Variants in LARP4B observed in about 807,000 individuals in gnomAD.
LARP4B encodes la-related protein 4B.
Under a neutral mutation model 89.8 loss-of-function variants are expected in LARP4B, and 12 were observed. That is an observed-to-expected ratio of 0.13 (90% CI 0.09 to 0.22). The LOEUF is 0.22. Among genes scored for constraint, LARP4B ranks in the 10% least tolerant of loss-of-function variants. The probability of loss-of-function intolerance (pLI) is 1.00; values close to 1 mark genes in which losing one functional copy is unlikely to be tolerated. For missense variants in LARP4B, 757 were observed against 947.7 expected (o/e 0.80, Z 2.64); for synonymous variants, 367 against 363.3 (o/e 1.01, Z -0.12).
intron 13 of LARP4B, among the ~76,000 whole-genome samples, chr10:821,580 GAC>G (rs1353843417): frequency 6.6e-6 from 1 of 152,222 alleles, no homozygotes; most frequent in East Asian, 1.9e-4. Context: ...CAAGTCACAT[GAC>G]ACACATTCAT....
intron 1 of LARP4B, among the ~76,000 whole-genome samples, chr10:889,044 C>T (rs1306180082): frequency 2.6e-5 from 4 of 152,122 alleles, no homozygotes; most frequent in African/African-American, 4.8e-5. Flanking sequence ...GAGATCGCAC[C>T]ACTGCACTCC....
rs769323354 is a variant in LARP4B, at chr10:863,766, G to A, written c.407C>T (p.Ser136Phe). 1.9e-6 allele frequency: 3 copies of A among 1,610,944 alleles called. No homozygotes were observed. The highest frequency in any genetic ancestry group is 2.2e-5 in the East Asian group (1 of 44,838). The change falls in exon 5 of 18, where the codon TCT becomes TTT. Residue 136 changes from serine to phenylalanine, a missense_variant. Ser to Phe is a radical substitution (Grantham distance 155). Around this residue, in one of 5 missense-constraint regions of LARP4B, gnomAD observed 175 missense variants for 187.0 expected, o/e 0.94. Transcript: ENST00000316157. ...ALALGPSEYD[S>F]LPENSETGGN... ...ACCTGTCTCGCTATTTTCAGGCAGA[G>A]AGTCATATTCTGAGGGACCCAGAGC...
the LARP4B span, among the ~76,000 whole-genome samples, chr10:982,729 G>C: frequency 6.6e-6 from 1 of 152,198 alleles, no homozygotes; most frequent in Admixed American, 6.5e-5. Context: ...TGGCATGGCA[G>C]TCTGCCACAG....
chr10:813,494 G>A (rs988588916), intron 17 of LARP4B, among the ~76,000 whole-genome samples: 2 of 152,200 alleles, frequency 1.3e-5, no homozygotes, highest in Admixed American at 1.3e-4. Context: ...TGCCTGCTTG[G>A]GCAATGCGGA....
intron 1 of LARP4B, among the ~76,000 whole-genome samples, chr10:927,227 G>C (rs577225013): frequency 6.6e-6 from 1 of 152,204 alleles, no homozygotes; most frequent in East Asian, 1.9e-4. Flanking sequence ...GAAAAACTAT[G>C]AGAAGACAGA....
intron 5 of LARP4B, among the ~76,000 whole-genome samples, chr10:857,907 G>A (rs1422686435): frequency 6.6e-6 from 1 of 152,084 alleles, no homozygotes; most frequent in Non-Finnish European, 1.5e-5. Context: ...AAGGATTTTA[G>A]AAATCTCATC....
At chr10:924,209 C>G (rs896975588) in intron 1 of LARP4B, among the ~76,000 whole-genome samples, 4 of 152,104 alleles carry the variant, frequency 2.6e-5, no homozygotes, top group Non-Finnish European at 5.9e-5. Flanking sequence ...CCACTGGACT[C>G]CAGCCTGGGT....
chr10:817,040 C>T (rs943613935), intron 15 of LARP4B, among the ~76,000 whole-genome samples: 4 of 152,208 alleles, frequency 2.6e-5, no homozygotes, highest in African/African-American at 9.6e-5. Flanking sequence ...ACCTGGAGTG[C>T]TCAGCAGGTT....
At chr10:901,045 G>T (rs1048666596) in intron 1 of LARP4B, among the ~76,000 whole-genome samples, 2 of 150,740 alleles carry the variant, frequency 1.3e-5, no homozygotes, top group Non-Finnish European at 2.9e-5. Flanking sequence ...TCAGCCTCAT[G>T]AGTAGCTGGG....
chr10:963,343 C>T, the LARP4B span, among the ~76,000 whole-genome samples: 1 of 152,152 alleles, frequency 6.6e-6, no homozygotes, highest in African/African-American at 2.4e-5. Context: ...TCATTTTCAC[C>T]ACGTGCTTCT....
At chr10:903,504 C>T (rs1419636086) in intron 1 of LARP4B, 1 of 152,124 alleles carries the variant, frequency 6.6e-6, no homozygotes, top group Non-Finnish European at 1.5e-5. Context: ...TCTTTGCTTC[C>T]TCTCATTTAC....
At chr10:954,191 GTCGAGACCA>G in the LARP4B span, among the ~76,000 whole-genome samples, 1 of 152,182 alleles carries the variant, frequency 6.6e-6, no homozygotes, top group African/African-American at 2.4e-5. This position sits in a 1 kb window ranked among gnomAD's most constrained non-coding sequence, Gnocchi z 5.0. Flanking sequence ...GAGCTGCAAA[GTCGAGACCA>G]CCTACAGCTT....
At chr10:878,713 C>T (rs960999758) in intron 3 of LARP4B, among the ~76,000 whole-genome samples, 6 of 152,158 alleles carry the variant, frequency 3.9e-5, no homozygotes, top group Admixed American at 6.5e-5. Flanking sequence ...CAGCGGACTC[C>T]GACACATCTG....
chr10:949,459 C>G, the LARP4B span, among the ~76,000 whole-genome samples: 5 of 151,882 alleles, frequency 3.3e-5, no homozygotes, highest in African/African-American at 1.2e-4. Context: ...TGAGTGATCT[C>G]CAACCTGTTT....
At chr10:907,445 A>G (rs1245952549) in intron 1 of LARP4B, among the ~76,000 whole-genome samples, 3 of 152,214 alleles carry the variant, frequency 2.0e-5, no homozygotes, top group Non-Finnish European at 1.5e-5. Flanking sequence ...TTTATTCTCT[A>G]GACTTTGTAT....
intron 5 of LARP4B, among the ~76,000 whole-genome samples, chr10:855,053 G>C (rs1295526399): frequency 1.3e-5 from 2 of 152,134 alleles, no homozygotes; most frequent in Non-Finnish European, 2.9e-5. Context: ...TTCTTCTGCA[G>C]CTTCCTCACC....
At chr10:912,308 GA>G (rs199985860) in intron 1 of LARP4B, among the ~76,000 whole-genome samples, 9 of 140,608 alleles carry the variant, frequency 6.4e-5, no homozygotes, top group Non-Finnish European at 9.3e-5. Flanking sequence ...GAAAAGAAAA[GA>G]AAAAAAAATC....
rs572054719 is a variant in LARP4B at position 844,866 on chromosome 10, T to C, written c.509+111A>G. The C allele has an allele frequency of 2.1e-5, 15 of 712,678 alleles. No homozygotes were observed. The South Asian group carries it at 2.4e-4, about 11-fold the overall frequency. The allele number at this position is 712,678 out of a possible 1,614,324, so 44.1% of individuals were successfully genotyped here. A position where few individuals can be genotyped will look rare whatever the true frequency, so the allele number is the denominator to read the frequency against. On this transcript the variant is annotated intron_variant, in intron 6 of 17. Coordinates refer to ENST00000316157, the MANE Select transcript of LARP4B (RefSeq NM_015155.3). Reference sequence around the variant, plus strand: ...AATATTCCACGTCTTCATATACATATATATGGATATGAGTAGATACTCCTT... The same window carrying C: ...AATATTCCACGTCTTCATATACATACATATGGATATGAGTAGATACTCCTT...
At chr10:874,662 T>A (rs189825857) in intron 3 of LARP4B, among the ~76,000 whole-genome samples, 202 of 152,352 alleles carry the variant, frequency 1.3e-3, no homozygotes, top group African/African-American at 4.5e-3. Context: ...ATTCTTTTAG[T>A]TCCTCTGCAA....
Sources: allele counts gnomAD v4.1 joint callset (sites outside exome capture counted in the v4.1 genomes callset), GRCh38; gene constraint gnomAD v4.1.1; regional missense constraint gnomAD v4.1.1; non-coding constraint Gnocchi (gnomAD v3.1); transcripts MANE v1.5; gene names NCBI Gene and HGNC (gene_info 2026-07-23, HGNC 2026-07-21).